The following SLC1A1 variants were observed in gnomAD, a reference collection of about 807,000 sequenced individuals.
The protein encoded by SLC1A1 is excitatory amino acid transporter 3.
Under a neutral mutation model 53.3 loss-of-function variants are expected in SLC1A1, and 43 were observed. The ratio of observed to expected loss-of-function variants is 0.81; its 90% CI spans 0.63 to 1.04. The LOEUF is 1.04. Among genes scored for constraint, SLC1A1 ranks in the 50% least tolerant of loss-of-function variants. The pLI, the probability that SLC1A1 is intolerant of heterozygous loss-of-function variation, is 0.00. For missense variants in SLC1A1, 748 were observed against 664.9 expected (o/e 1.12, Z -1.37); for synonymous variants, 307 against 243.2 (o/e 1.26, Z -2.44).
chr9:4,572,160 A>T (rs1015455005), intron 6 of SLC1A1, 44 bp from the exon 7 acceptor site: 3 of 1,533,194 alleles, frequency 2.0e-6, no homozygotes, highest in Non-Finnish European at 2.7e-6. Context: ...TTCTAACAAG[A>T]TTATAATCGT....
intron 1 of SLC1A1, among the ~76,000 whole-genome samples, chr9:4,532,553 TG>T (rs1816514373): frequency 6.6e-6 from 1 of 152,104 alleles, no homozygotes; most frequent in Non-Finnish European, 1.5e-5. Context: ...CCAAGAAATA[TG>T]GGACTATGTG....
At chr9:4,542,793 G>C (rs975753506) in intron 1 of SLC1A1, among the ~76,000 whole-genome samples, 5 of 152,154 alleles carry the variant, frequency 3.3e-5, no homozygotes, top group Admixed American at 1.3e-4. Flanking sequence ...AATTCTTGGT[G>C]TTCTTATCCA....
chr9:4,495,315 A>T (rs1401792290), intron 1 of SLC1A1, among the ~76,000 whole-genome samples: 1 of 152,158 alleles, frequency 6.6e-6, no homozygotes, highest in Non-Finnish European at 1.5e-5. Context: ...CATTTAACAG[A>T]TATGTATCAG....
intron 2 of SLC1A1, 24 bp downstream of exon 2, chr9:4,544,731 T>A (rs752737380): frequency 1.4e-5 from 22 of 1,586,276 alleles, no homozygotes; most frequent in African/African-American, 2.7e-5. Context: ...ACAGATGTTC[T>A]CTATATTAGT....
At chr9:4,515,790 C>G (rs1364494215) in intron 1 of SLC1A1, among the ~76,000 whole-genome samples, 1 of 152,112 alleles carries the variant, frequency 6.6e-6, no homozygotes, top group African/African-American at 2.4e-5. Context: ...ATCAAGGGTC[C>G]TCTTCCACCT....
At chr9:4,563,090 C>A in intron 3 of SLC1A1, among the ~76,000 whole-genome samples, 1 of 140,972 alleles carries the variant, frequency 7.1e-6, no homozygotes, top group African/African-American at 2.7e-5. Flanking sequence ...GCACAATGTG[C>A]ACATATACCC....
intron 1 of SLC1A1, among the ~76,000 whole-genome samples, chr9:4,541,862 A>G (rs1006979084): frequency 1.4e-4 from 21 of 152,212 alleles, no homozygotes; most frequent in African/African-American, 5.1e-4. Flanking sequence ...GAACCTCTCC[A>G]TAATTCTTAA....
intron 2 of SLC1A1, among the ~76,000 whole-genome samples, chr9:4,560,657 A>G (rs949167147): frequency 1.1e-4 from 16 of 152,086 alleles, no homozygotes; most frequent in African/African-American, 3.6e-4. Flanking sequence ...GAAAAGGCAG[A>G]AAGGAAAACT....
chr9:4,550,444 G>T lies in SLC1A1; in HGVS notation c.232+5737G>T, dbSNP rs1348166944. On this transcript the variant is annotated intron_variant, in intron 2 of 11. Coordinates refer to ENST00000262352, the MANE Select transcript of SLC1A1 (RefSeq NM_004170.6). ...CTCATTCTATGGCCCAAGCTGGAATGCAGTGGTACCAGTATAGCTCACTGT... is the reference window on the plus strand; with the variant it reads ...CTCATTCTATGGCCCAAGCTGGAATTCAGTGGTACCAGTATAGCTCACTGT... Among the ~76,000 whole-genome samples, 6 of 152,168 alleles carry T rather than the reference G, an allele frequency of 3.9e-5. No individual in the cohort carries two copies. The East Asian group carries it at 1.2e-3, about 29-fold the overall frequency.
At chr9:4,502,572 T>C (rs576222790) in intron 1 of SLC1A1, among the ~76,000 whole-genome samples, 1 of 151,556 alleles carries the variant, frequency 6.6e-6, no homozygotes, top group African/African-American at 2.4e-5. Flanking sequence ...CTCAGTACAA[T>C]GAGTTAGGGG....
intron 1 of SLC1A1, among the ~76,000 whole-genome samples, chr9:4,496,239 G>A (rs1165873846): frequency 6.6e-6 from 1 of 152,126 alleles, no homozygotes. Context: ...AGGCTCGGGG[G>A]CAGGAGTGAG....
At chr9:4,545,210 T>C (rs1354782177) in intron 2 of SLC1A1, among the ~76,000 whole-genome samples, 6 of 151,700 alleles carry the variant, frequency 4.0e-5, no homozygotes, top group Admixed American at 3.3e-4. Flanking sequence ...TCTCTCTCTC[T>C]CTCTCTCTCC....
chr9:4,561,748 G>A (rs373389451), intron 3 of SLC1A1, among the ~76,000 whole-genome samples: 8 of 152,046 alleles, frequency 5.3e-5, no homozygotes, highest in African/African-American at 9.7e-5. Context: ...AATATTAGCC[G>A]GGTATGGTAA....
chr9:4,565,361 C>A (rs1819381800), intron 4 of SLC1A1, among the ~76,000 whole-genome samples: 1 of 152,164 alleles, frequency 6.6e-6, no homozygotes, highest in Admixed American at 6.5e-5. Flanking sequence ...CATTTTCACA[C>A]TGCTATAAAG....
rs371593428 is a variant in SLC1A1, at chr9:4,567,657, T to A, written c.484-12T>A. The A allele has an allele frequency of 8.3e-6, 13 of 1,575,332 alleles. No individual in the cohort carries two copies. The highest frequency in any genetic ancestry group is 1.1e-5 in the Non-Finnish European group (13 of 1,145,594). ...TTTTGTTTGCTTGTCCTTGATTTTC[T>A]CCAACATGCAGTACAAAACTAAGCG... is the stretch of plus-strand genomic sequence containing the variant. On this transcript the variant is annotated splice_polypyrimidine_tract_variant and intron_variant, in intron 5 of 11. Transcript: ENST00000262352.
At chr9:4,500,027 C>G (rs950565640) in intron 1 of SLC1A1, among the ~76,000 whole-genome samples, 1 of 152,154 alleles carries the variant, frequency 6.6e-6, no homozygotes. Flanking sequence ...AAGCTTTCCA[C>G]ATTAATTGCT....
chr9:4,508,105 G>A (rs781627906), intron 1 of SLC1A1, among the ~76,000 whole-genome samples: 1 of 152,074 alleles, frequency 6.6e-6, no homozygotes, highest in Non-Finnish European at 1.5e-5. Flanking sequence ...CTGATACTGA[G>A]GAAGGGAAAG....
intron 1 of SLC1A1, among the ~76,000 whole-genome samples, chr9:4,519,271 C>T (rs1304556945): frequency 6.6e-6 from 1 of 152,172 alleles, no homozygotes; most frequent in Non-Finnish European, 1.5e-5. Context: ...TAAATACATT[C>T]TAAAATAGCA....
At chr9:4,541,215 T>A (rs911111080) in intron 1 of SLC1A1, among the ~76,000 whole-genome samples, 9 of 152,142 alleles carry the variant, frequency 5.9e-5, no homozygotes, top group Non-Finnish European at 1.3e-4. Context: ...AGGATCAGAA[T>A]CCAGTTTTAA....
Sources: gnomAD v4.1 joint callset for allele counts (sites outside exome capture counted in the v4.1 genomes callset) on GRCh38, gnomAD v4.1.1 for gene constraint, MANE v1.5 for transcripts, NCBI Gene and HGNC (gene_info 2026-07-23, HGNC 2026-07-21) for gene names.